Variants in JMY observed in about 807,000 individuals in gnomAD.
The protein encoded by JMY is junction mediating and regulatory protein, p53 cofactor, also known as junction-mediating and -regulatory protein.
JMY carries 46 observed loss-of-function variants against 103.3 expected under a neutral mutation model. That is an observed-to-expected ratio of 0.45 (90% CI 0.35 to 0.57). The LOEUF (loss-of-function observed/expected upper bound fraction) is 0.57. JMY is among the 20% of genes least tolerant of loss of function. The pLI is 0.00. For synonymous variants in JMY, 526 were observed against 489.3 expected (o/e 1.07, Z -0.99); for missense variants, 1,238 against 1,255.2 (o/e 0.99, Z 0.21).
intron 1 of JMY, among the ~76,000 whole-genome samples, chr5:79,253,223 TTTG>T (rs565872006): frequency 1.1e-4 from 16 of 152,102 alleles, no homozygotes; most frequent in South Asian, 2.1e-4. Context: ...TGTTGTTTCT[TTTG>T]TTGTTGTTGT....
At chr5:79,309,460 A>G (rs1357205075) in intron 7 of JMY, among the ~76,000 whole-genome samples, 1 of 152,220 alleles carries the variant, frequency 6.6e-6, no homozygotes, top group Non-Finnish European at 1.5e-5. Flanking sequence ...CACACAATAT[A>G]TATTATCCTG....
chr5:79,290,984 CAT>C (rs1746402829), intron 3 of JMY, 144 bp from the exon 4 acceptor site: 1 of 519,768 alleles, frequency 1.9e-6, no homozygotes, highest in Admixed American at 4.2e-5. Context: ...GACTCCATCT[CAT>C]AAAAGAAAAA....
intron 1 of JMY, among the ~76,000 whole-genome samples, chr5:79,270,467 ATG>A (rs1164729685): frequency 2.8e-4 from 20 of 72,008 alleles, no homozygotes; most frequent in East Asian, 1.3e-3. Context: ...AATATTTAAA[ATG>A]TATATTTACA....
At chr5:79,303,340 G>A (rs1369876326) in intron 6 of JMY, among the ~76,000 whole-genome samples, 1 of 152,170 alleles carries the variant, frequency 6.6e-6, no homozygotes, top group Non-Finnish European at 1.5e-5. Flanking sequence ...TGGGATTGCA[G>A]GTGTGAGCCA....
intron 7 of JMY, among the ~76,000 whole-genome samples, chr5:79,309,994 T>C (rs1330673674): frequency 6.6e-6 from 1 of 151,834 alleles, no homozygotes; most frequent in African/African-American, 2.4e-5. Context: ...CAGATCTTTT[T>C]CCCAGATCTA....
At chr5:79,240,441 G>A (rs1032258857) in intron 1 of JMY, among the ~76,000 whole-genome samples, 2 of 151,926 alleles carry the variant, frequency 1.3e-5, no homozygotes, top group African/African-American at 4.8e-5. Context: ...CTCCCAAGTA[G>A]CTGTGATTAC....
intron 6 of JMY, among the ~76,000 whole-genome samples, chr5:79,303,980 G>A (rs1012715064): frequency 5.9e-5 from 9 of 152,154 alleles, no homozygotes; most frequent in Non-Finnish European, 1.3e-4. Context: ...ACAGAGCTGT[G>A]TACTCTTCTA....
At chr5:79,296,200 T>C (rs1219557201) in intron 4 of JMY, among the ~76,000 whole-genome samples, 11 of 152,192 alleles carry the variant, frequency 7.2e-5, no homozygotes, top group Non-Finnish European at 1.3e-4. Flanking sequence ...TAAAAATAGT[T>C]TATGAAAAGT....
intron 1 of JMY, among the ~76,000 whole-genome samples, chr5:79,260,369 G>A (rs946417253): frequency 7.2e-5 from 11 of 152,156 alleles, no homozygotes; most frequent in Admixed American, 5.2e-4. Context: ...TGCCACCACC[G>A]CTTATGCCTC....
chr5:79,303,357 C>T (rs781564226), intron 6 of JMY, among the ~76,000 whole-genome samples: 45 of 152,072 alleles, frequency 3.0e-4, no homozygotes, highest in Non-Finnish European at 6.0e-4. Flanking sequence ...GCCACTGTGC[C>T]CAGCCTGAGG....
At position 79,300,138 on chromosome 5, in the gene JMY, G is replaced by T. The variant is rs186118333; in HGVS notation, c.1528-15G>T. 5.0e-6 allele frequency: 8 copies of T among 1,610,338 alleles called. No homozygotes were observed. The African/African-American group carries it at 1.1e-4, about 22-fold the overall frequency. On this transcript the variant is annotated splice_polypyrimidine_tract_variant and intron_variant, in intron 4 of 10. Transcript: ENST00000396137. ...CCACCAGCTAGAAATTTTTTAATTT[G>T]TATTTTCAATGCAGATGCAGAGTTT... is the stretch of plus-strand genomic sequence containing the variant.
chr5:79,255,444 A>G (rs990187849), intron 1 of JMY, among the ~76,000 whole-genome samples: 1 of 152,100 alleles, frequency 6.6e-6, no homozygotes, highest in Non-Finnish European at 1.5e-5. Context: ...TTATTTATTA[A>G]TAGTTCATTT....
chr5:79,269,465 C>A (rs545016676), intron 1 of JMY, among the ~76,000 whole-genome samples: 1 of 152,120 alleles, frequency 6.6e-6, no homozygotes, highest in East Asian at 1.9e-4. Context: ...TTTTTGATAC[C>A]CACAAAATAA....
rs538264606 is a variant in JMY, at chr5:79,323,071, T to A, written c.*1469T>A. ...CAGGTTATGTAAGACAACAACTTTT[T>A]TTATTATTTCAAAACAAAACAGGCA... is the stretch of plus-strand genomic sequence containing the variant. On this transcript the variant is annotated 3_prime_UTR_variant, in exon 11 of 11. Transcript: ENST00000396137. 6.6e-6 allele frequency: 1 copy of A among 152,286 alleles called. No homozygotes were observed. The highest frequency in any genetic ancestry group is 2.4e-5 in the African/African-American group (1 of 41,542). 9.4% of individuals were successfully genotyped at this position (152,286 alleles called of 1,614,324 possible). A position where few individuals can be genotyped will look rare whatever the true frequency, so the allele number is the denominator to read the frequency against.
At chr5:79,285,731 T>C (rs1200591452) in intron 2 of JMY, among the ~76,000 whole-genome samples, 1 of 152,198 alleles carries the variant, frequency 6.6e-6, no homozygotes, top group Admixed American at 6.5e-5. Context: ...AATATTTGCA[T>C]TGTGGGTGCT....
At position 79,326,188 on chromosome 5, in the gene JMY, C is replaced by G. The variant is rs1747638132; in HGVS notation, c.*4586C>G. 1 of 152,034 alleles carries G rather than the reference C, an allele frequency of 6.6e-6. No homozygotes were observed. The highest frequency in any genetic ancestry group is 2.1e-4 in the South Asian group (1 of 4,824). 9.4% of individuals were successfully genotyped at this position (152,034 alleles called of 1,614,324 possible). Reference sequence around the variant, plus strand: ...GGTTAGGGGAAAGTTTTGTTTTTTGCTGGTGTTTTTTGTTGTTTTTAATTA... The same window carrying G: ...GGTTAGGGGAAAGTTTTGTTTTTTGGTGGTGTTTTTTGTTGTTTTTAATTA... On this transcript the variant is annotated 3_prime_UTR_variant, in exon 11 of 11. Coordinates refer to ENST00000396137, the MANE Select transcript of JMY (RefSeq NM_152405.5).
intron 4 of JMY, among the ~76,000 whole-genome samples, chr5:79,292,895 T>C (rs1291083448): frequency 1.3e-5 from 2 of 152,232 alleles, no homozygotes; most frequent in African/African-American, 2.4e-5. Flanking sequence ...AACTGCCAGC[T>C]GTCATTCTTG....
chr5:79,244,397 T>C (rs1358804274), intron 1 of JMY, among the ~76,000 whole-genome samples: 1 of 152,076 alleles, frequency 6.6e-6, no homozygotes, highest in Non-Finnish European at 1.5e-5. Flanking sequence ...TAAGGGAGTG[T>C]GTATGTGTGT....
chr5:79,311,905 C>T (rs935904789), intron 7 of JMY, among the ~76,000 whole-genome samples: 2 of 152,140 alleles, frequency 1.3e-5, no homozygotes, highest in Non-Finnish European at 2.9e-5. Context: ...CAACCTCTGC[C>T]TCCCAGGTTC....
Sources: gnomAD v4.1 joint callset for allele counts (sites outside exome capture counted in the v4.1 genomes callset) on GRCh38, gnomAD v4.1.1 for gene constraint, MANE v1.5 for transcripts, NCBI Gene and HGNC (gene_info 2026-07-23, HGNC 2026-07-21) for gene names.